DNAH14: variants seen among roughly 807,000 people sequenced by gnomAD.
DNAH14 encodes the protein dynein axonemal heavy chain 14, also known as axonemal beta dynein heavy chain 14.
DNAH14 carries 478 observed loss-of-function variants against 520.9 expected under a neutral mutation model. The ratio of observed to expected loss-of-function variants is 0.92; its 90% CI spans 0.85 to 0.99. DNAH14 has a LOEUF of 0.99. Among genes scored for constraint, DNAH14 ranks in the 50% least tolerant of loss-of-function variants. The pLI is 0.00. For synonymous variants in DNAH14, 1,581 were observed against 1,757.2 expected (o/e 0.90, Z 2.51); for missense variants, 4,831 against 5,234.5 (o/e 0.92, Z 2.38).
At chr1:225,215,261 G>T (rs1194940237) in intron 41 of DNAH14, among the ~76,000 whole-genome samples, 1 of 152,122 alleles carries the variant, frequency 6.6e-6, no homozygotes, top group Admixed American at 6.5e-5. Flanking sequence ...ATTTCACTGT[G>T]GTCTGAGAGG....
intron 22 of DNAH14, among the ~76,000 whole-genome samples, chr1:225,098,956 G>C (rs145680238): frequency 1.3e-5 from 2 of 152,298 alleles, no homozygotes; most frequent in African/African-American, 4.8e-5. Context: ...GGAGCAGGAT[G>C]ATGAGCCCTG....
At chr1:225,127,610 G>A (rs1456117436) in intron 27 of DNAH14, among the ~76,000 whole-genome samples, 6 of 152,000 alleles carry the variant, frequency 3.9e-5, no homozygotes, top group Admixed American at 6.6e-5. Flanking sequence ...GTCTCTGCAC[G>A]TGAGATGGGT....
intron 30 of DNAH14, 60 bp downstream of exon 30, chr1:225,145,439 C>T (rs1031024254): frequency 2.4e-6 from 3 of 1,269,894 alleles, no homozygotes; most frequent in Admixed American, 2.9e-5. Flanking sequence ...TAAAACAATT[C>T]ATTGAAGAAT....
chr1:225,341,469 C>A (rs913434806), intron 69 of DNAH14, among the ~76,000 whole-genome samples: 2 of 151,994 alleles, frequency 1.3e-5, no homozygotes, highest in African/African-American at 4.8e-5. Flanking sequence ...TAAAAATACA[C>A]CAGCCTGACC....
chr1:224,991,511 T>A (rs1331820394), intron 8 of DNAH14, among the ~76,000 whole-genome samples: 1 of 152,008 alleles, frequency 6.6e-6, no homozygotes, highest in African/African-American at 2.4e-5. Flanking sequence ...AGTCTTGCTT[T>A]GTCACCCAGG....
At chr1:225,011,276 C>G (rs2064716040) in intron 10 of DNAH14, among the ~76,000 whole-genome samples, 1 of 152,200 alleles carries the variant, frequency 6.6e-6, no homozygotes, top group Non-Finnish European at 1.5e-5. Context: ...TTAGCTGTGT[C>G]CCAGTGATTC....
At chr1:225,259,488 T>C (rs1226906039) in intron 46 of DNAH14, among the ~76,000 whole-genome samples, 1 of 152,228 alleles carries the variant, frequency 6.6e-6, no homozygotes, top group East Asian at 1.9e-4. Context: ...AATGTGATGC[T>C]TTGATGTATA....
At chr1:225,105,991 A>G (rs1201475398) in intron 23 of DNAH14, among the ~76,000 whole-genome samples, 1 of 128,884 alleles carries the variant, frequency 7.8e-6, no homozygotes, top group East Asian at 2.3e-4. Context: ...GGTCTTTACA[A>G]TTTGGCATGT....
chr1:225,223,830 T>G (rs370905130), intron 41 of DNAH14, among the ~76,000 whole-genome samples: 144 of 152,350 alleles, frequency 9.5e-4, no homozygotes, highest in Admixed American at 1.5e-3. Flanking sequence ...GTCAGTATCA[T>G]GTAAATCAGG....
intron 27 of DNAH14, among the ~76,000 whole-genome samples, chr1:225,138,557 G>C (rs1197323741): frequency 1.3e-5 from 2 of 152,118 alleles, no homozygotes; most frequent in African/African-American, 4.8e-5. Context: ...AAAACTCCTG[G>C]GTCACTGTGT....
chr1:225,094,667 AAAAAAAAAAAACAAC>A (rs2074741988), intron 21 of DNAH14, among the ~76,000 whole-genome samples: 1 of 100,242 alleles, frequency 1.0e-5, no homozygotes, highest in Non-Finnish European at 1.6e-5. Context: ...AAAAAAAAAA[AAAAAAAAAAAACAAC>A]AAAACAAACA....
Position 225,079,214 on chromosome 1 carries a change from AATC to A in DNAH14, c.2438_2440del (p.Ser813del). 1 of 1,539,962 alleles carries A rather than the reference AATC, an allele frequency of 6.5e-7. No homozygotes were observed. Among genetic ancestry groups the A allele is most frequent in the Non-Finnish European group, 8.7e-7 (1 of 1,144,648 alleles). ...TTGACATGTTGATTTCAGGTTGTGG[AATC>A]ATCATTGCAGCAGCTGGAATGTGAT... On this transcript the variant is annotated inframe_deletion, in exon 18 of 86. Transcript: ENST00000682510.
chr1:225,318,652 G>A lies in DNAH14; in HGVS notation c.9310G>A (p.Asp3104Asn), dbSNP rs566293000. 1 of 1,549,798 alleles carries A rather than the reference G, an allele frequency of 6.5e-7. No homozygotes were observed. The highest frequency in any genetic ancestry group is 1.2e-5 in the South Asian group (1 of 83,362). The change falls in exon 61 of 86, where the codon GAT (aspartate) becomes AAT (asparagine). Residue 3104 changes from aspartate (D) to asparagine (N), a missense_variant. Transcript: ENST00000682510. ...DKAIVALNAL[D>N]KADVAELRVY... ...GGCAATTGTGGCTCTGAATGCCCTG[G>A]ATAAAGCTGATGTCGCTGAATTAAG...
intron 54 of DNAH14, among the ~76,000 whole-genome samples, chr1:225,283,059 A>AT (rs1197141089): frequency 6.6e-6 from 1 of 151,874 alleles, no homozygotes; most frequent in East Asian, 1.9e-4. Context: ...GAGAACTAAA[A>AT]ATATATATAA....
intron 46 of DNAH14, among the ~76,000 whole-genome samples, chr1:225,263,207 CACATATATATACATGTATATAT>C (rs1431647101): frequency 0.014 from 2,167 of 150,190 alleles, 46 homozygotes; most frequent in East Asian, 0.05. Context: ...TATATACACA[CACATATATATACATGTATATAT>C]ACATATATAT....
intron 8 of DNAH14, among the ~76,000 whole-genome samples, chr1:224,997,454 GTTTGT>G (rs2063473714): frequency 1.3e-5 from 2 of 151,836 alleles, no homozygotes; most frequent in Admixed American, 6.6e-5. Context: ...TTGTTTGTTT[GTTTGT>G]TTGTTTGTTT....
chr1:225,161,434 T>G (rs993168605), intron 35 of DNAH14, among the ~76,000 whole-genome samples: 1 of 152,220 alleles, frequency 6.6e-6, no homozygotes, highest in Non-Finnish European at 1.5e-5. Flanking sequence ...ACACTTCTGT[T>G]GCTTCCAAAT....
At position 225,117,949 on chromosome 1, in the gene DNAH14, T is replaced by C. The variant is rs557121413; in HGVS notation, c.4041T>C (p.Pro1347=). 9.0e-6 allele frequency: 14 copies of C among 1,551,574 alleles called. 1 individual carries two copies. The Admixed American group carries it at 1.4e-4, about 15-fold the overall frequency. The change falls in exon 25 of 86, where the codon CCT becomes CCC. Residue 1347 remains proline (P), a synonymous_variant. Coordinates refer to ENST00000682510, the MANE Select transcript of DNAH14 (RefSeq NM_001367479.1). ...TATGGAAACAAGACATTGGCCCTCCTGCTGTAAAAATGCTAATATCTGCTG... is the reference window on the plus strand; with the variant it reads ...TATGGAAACAAGACATTGGCCCTCCCGCTGTAAAAATGCTAATATCTGCTG... The part of the protein sequence containing the change: ...LLIWKQDIGP[P]AVKMLISAEG...
intron 74 of DNAH14, 111 bp from the exon 75 acceptor site, chr1:225,360,570 C>T (rs149872581): frequency 5.6e-4 from 581 of 1,044,196 alleles, no homozygotes; most frequent in Non-Finnish European, 6.7e-4. Flanking sequence ...GTAGTCTTTC[C>T]GCTATGACTA....
Sources: gnomAD v4.1 joint callset for allele counts (sites outside exome capture counted in the v4.1 genomes callset) on GRCh38, gnomAD v4.1.1 for gene constraint, MANE v1.5 for transcripts, NCBI Gene and HGNC (gene_info 2026-07-23, HGNC 2026-07-21) for gene names.